Variants in DCHS2 observed in about 807,000 individuals in gnomAD.
DCHS2 encodes protocadherin-23.
In DCHS2, 142 loss-of-function variants were observed where a neutral mutation model predicts 182.4. The observed-to-expected ratio is 0.78, with a 90% CI of 0.68 to 0.89. DCHS2 has a LOEUF of 0.89. Among genes scored for constraint, DCHS2 ranks in the 40% least tolerant of loss-of-function variants. The probability of loss-of-function intolerance (pLI) is 0.00; values close to 1 mark genes in which losing one functional copy is unlikely to be tolerated. For missense variants in DCHS2, 4,319 were observed against 4,198.6 expected, an observed-to-expected ratio of 1.03 and a Z score of -0.79; for synonymous variants, 1,740 against 1,663.3, an observed-to-expected ratio of 1.05 and a Z score of -1.12.
chr4:154,317,299 T>C (rs144290715), intron 9 of DCHS2, among the ~76,000 whole-genome samples: 13 of 152,332 alleles, frequency 8.5e-5, no homozygotes, highest in African/African-American at 3.1e-4. Context: ...AATATACCTT[T>C]CTTAGCCATC....
At chr4:154,413,347 CA>C (rs1288983201) in intron 1 of DCHS2, among the ~76,000 whole-genome samples, 2 of 151,794 alleles carry the variant, frequency 1.3e-5, no homozygotes, top group Admixed American at 6.6e-5. Context: ...AGATGAACAC[CA>C]CTTTTTGTCA....
chr4:154,373,920 C>CTTCACCAGGG, intron 2 of DCHS2: 1 of 1,604,180 alleles, frequency 6.2e-7, no homozygotes. Flanking sequence ...TGTTCCTTAC[C>CTTCACCAGGG]TTCACCAGGG....
At chr4:154,255,381 A>G in intron 16 of DCHS2, 138 bp downstream of exon 16, 1 of 1,216,630 alleles carries the variant, frequency 8.2e-7, no homozygotes, top group Non-Finnish European at 1.1e-6. Context: ...TAGATCAAAG[A>G]GAATATCAAC....
At chr4:154,321,351 A>T in intron 8 of DCHS2, 129 bp from the exon 9 acceptor site, 1 of 1,062,278 alleles carries the variant, frequency 9.4e-7, no homozygotes, top group Non-Finnish European at 1.2e-6. Flanking sequence ...AGTGAGAAAA[A>T]TGTCATTTTT....
Position 154,239,238 on chromosome 4 carries a change from T to A in DCHS2, c.7424A>T (p.Glu2475Val). The A allele has an allele frequency of 6.2e-7, 1 of 1,613,550 alleles. No individual in the cohort carries two copies. The highest frequency in any genetic ancestry group is 8.5e-7 in the Non-Finnish European group (1 of 1,179,714). Residue 2475 changes from glutamate to valine, a missense_variant, in exon 19 of 20, where the codon GAA becomes GTA. By Grantham distance (121) the Glu-to-Val change is moderately radical (BLOSUM62 -2). Transcript: ENST00000357232. Reference protein sequence around the residue: ...SVLTLSATDLESNENISYRIL... With the variant: ...SVLTLSATDLVSNENISYRIL... ...TCTGTAAGAAATGTTCTCATTGCTTTCTAAGTCTGTGGCTGACAGAGTCAG... is the reference window on the plus strand; with the variant it reads ...TCTGTAAGAAATGTTCTCATTGCTTACTAAGTCTGTGGCTGACAGAGTCAG...
At chr4:154,255,034 A>G (rs947980397) in intron 16 of DCHS2, among the ~76,000 whole-genome samples, 8 of 152,194 alleles carry the variant, frequency 5.3e-5, no homozygotes, top group African/African-American at 1.9e-4. Context: ...TGTTAAATGT[A>G]TGCGTTTAAT....
At chr4:154,350,949 G>A (rs1021234291) in intron 3 of DCHS2, among the ~76,000 whole-genome samples, 5 of 152,160 alleles carry the variant, frequency 3.3e-5, no homozygotes, top group African/African-American at 1.2e-4. Flanking sequence ...GAAAATGCAG[G>A]AAAAGAAGGG....
chr4:154,394,603 G>A (rs566069876), intron 1 of DCHS2, among the ~76,000 whole-genome samples: 23 of 152,258 alleles, frequency 1.5e-4, no homozygotes, highest in Admixed American at 4.6e-4. Context: ...TCAGTAGCTC[G>A]ATAATCCTAT....
chr4:154,337,809 C>G (rs1728884197), intron 3 of DCHS2, among the ~76,000 whole-genome samples: 2 of 151,978 alleles, frequency 1.3e-5, no homozygotes, highest in South Asian at 4.2e-4. Flanking sequence ...GGCATGATCT[C>G]AGCTCACTGT....
chr4:154,407,258 G>A (rs1732438830), intron 1 of DCHS2, among the ~76,000 whole-genome samples: 1 of 152,164 alleles, frequency 6.6e-6, no homozygotes, highest in South Asian at 2.1e-4. Flanking sequence ...AGAAGGTTGA[G>A]TCATATGGAC....
rs772916970 is a variant in DCHS2 at position 154,242,709 on chromosome 4, T to C, written c.7005A>G (p.Val2335=). 1.9e-6 allele frequency: 3 copies of C among 1,613,230 alleles called. No individual in the cohort carries two copies. The highest frequency in any genetic ancestry group is 1.3e-5 in the African/African-American group (1 of 75,000). The change falls in exon 17 of 20, where the codon GTA becomes GTG. Residue 2335 remains valine, a synonymous_variant. Coordinates refer to ENST00000357232, the MANE Select transcript of DCHS2 (RefSeq NM_001358235.2). ...CATTGTCATTTATATCAGTCACCTG[T>C]ACCTTGATTACAGTCGTATTAGAAA... ...PRLSNTTVIK[V]QVTDINDNAP...
chr4:154,428,426 C>A (rs1733422892), intron 1 of DCHS2, among the ~76,000 whole-genome samples: 1 of 151,916 alleles, frequency 6.6e-6, no homozygotes, highest in African/African-American at 2.4e-5. Context: ...GTGATTTCAT[C>A]TACTCAGGAG....
chr4:154,491,438 T>C lies in DCHS2; in HGVS notation c.-83A>G. ...CAGAAAAATCCAGGAGCCTCTTCAG[T>C]GTCTGAGCCAGAGAAGAAAAGACTT... On this transcript the variant is annotated 5_prime_UTR_variant, in exon 1 of 20. Transcript: ENST00000357232. The C allele has an allele frequency of 7.0e-7, 1 of 1,429,722 alleles. No homozygotes were observed. Among genetic ancestry groups the C allele is most frequent in the East Asian group, 2.5e-5 (1 of 39,342 alleles). The allele number at this position is 1,429,722 out of a possible 1,614,324, so 88.6% of individuals were successfully genotyped here. A position where few individuals can be genotyped will look rare whatever the true frequency, so the allele number is the denominator to read the frequency against.
intron 14 of DCHS2, among the ~76,000 whole-genome samples, chr4:154,260,316 G>A (rs1455944718): frequency 6.6e-6 from 1 of 152,088 alleles, no homozygotes; most frequent in East Asian, 1.9e-4. Flanking sequence ...AGACCTGGGA[G>A]CTATCTCTCT....
intron 3 of DCHS2, among the ~76,000 whole-genome samples, chr4:154,338,183 A>T (rs1728903566): frequency 6.6e-6 from 1 of 152,202 alleles, no homozygotes; most frequent in South Asian, 2.1e-4. Context: ...GCCTTACTTA[A>T]TTACCGGTTT....
intron 10 of DCHS2, among the ~76,000 whole-genome samples, chr4:154,306,249 G>A (rs1186119112): frequency 2.6e-5 from 4 of 152,028 alleles, no homozygotes; most frequent in African/African-American, 2.4e-5. Context: ...GATATAATCT[G>A]CAGGCATTGG....
rs551448428 is a variant in DCHS2 at position 154,236,496 on chromosome 4, G to A, written c.8156C>T (p.Thr2719Ile). ...AGGTTTAATCAAATAAAGAACTCCA[G>A]TGTTTTCTTCTAAGTAAAAATGTCC... ...EKGHFYLEEN[T>I]GVLYLIKPLD... is the part of the protein sequence containing the mutation. The change falls in exon 20 of 20, where the codon ACT (threonine) becomes ATT (isoleucine). Residue 2719 changes from threonine (T) to isoleucine (I), a missense_variant. Thr to Ile is a moderately conservative substitution (Grantham distance 89). Coordinates refer to ENST00000357232, the MANE Select transcript of DCHS2 (RefSeq NM_001358235.2). 4.3e-6 allele frequency: 7 copies of A among 1,614,004 alleles called. No individual in the cohort carries two copies. Among genetic ancestry groups the A allele is most frequent in the African/African-American group, 4.0e-5 (3 of 75,040 alleles).
chr4:154,486,351 C>A (rs1728585608), intron 1 of DCHS2: 2 of 1,272,102 alleles, frequency 1.6e-6, no homozygotes, highest in South Asian at 2.6e-5. Flanking sequence ...TGGTAGGACC[C>A]CAAACATTGG....
Position 154,377,385 on chromosome 4 carries a change from A to G in DCHS2, c.2112T>C (p.Asp704=), listed in dbSNP as rs768655653. ...LYGFIEYSLY[D]GFLSYEAPQA... is the part of the protein sequence containing the mutation. ...GAGGTGCTTCATAGCTCAGGAATCCATCATAAAGAGAATATTCAATAAAGC... is the reference window on the plus strand; with the variant it reads ...GAGGTGCTTCATAGCTCAGGAATCCGTCATAAAGAGAATATTCAATAAAGC... The change falls in exon 2 of 20, where the codon GAT becomes GAC. Residue 704 remains aspartate (D), a synonymous_variant. Transcript: ENST00000357232. 8 of 1,613,648 alleles carry G rather than the reference A, an allele frequency of 5.0e-6. No homozygotes were observed. In the Admixed American group the frequency reaches 1.2e-4, roughly 24 times the overall value.
Sources: allele counts gnomAD v4.1 joint callset (sites outside exome capture counted in the v4.1 genomes callset), GRCh38; gene constraint gnomAD v4.1.1; transcripts MANE v1.5; gene names NCBI Gene and HGNC (gene_info 2026-07-23, HGNC 2026-07-21).